Variants in UNC5A observed in about 807,000 individuals in gnomAD.
UNC5A encodes the protein netrin receptor UNC5A.
UNC5A carries 20 observed loss-of-function variants against 87.4 expected under a neutral mutation model. The ratio of observed to expected loss-of-function variants is 0.23; its 90% CI spans 0.16 to 0.33. UNC5A has a LOEUF of 0.33. Among genes scored for constraint, UNC5A ranks in the 10% least tolerant of loss-of-function variants. UNC5A has a pLI of 1.00. For missense variants in UNC5A, 844 were observed against 1,133.4 expected (o/e 0.74, Z 3.67); for synonymous variants, 438 against 482.3 (o/e 0.91, Z 1.20).
rs1561669152 is a variant in UNC5A at position 176,874,606 on chromosome 5, C to T, written c.1378+40C>T. 1 of 1,494,240 alleles carries T rather than the reference C, an allele frequency of 6.7e-7. No homozygotes were observed. Among genetic ancestry groups the T allele is most frequent in the African/African-American group, 1.4e-5 (1 of 71,188 alleles). 92.6% of individuals were successfully genotyped at this position (1,494,240 alleles called of 1,614,324 possible). Reference sequence around the variant, plus strand: ...AGGGGGCTCTGAGAGCTCCACTTCCCTCCTGGAGGAGGACGGGACAGCCGG... The same window carrying T: ...AGGGGGCTCTGAGAGCTCCACTTCCTTCCTGGAGGAGGACGGGACAGCCGG... On this transcript the variant is annotated intron_variant, in intron 8 of 14. Transcript: ENST00000329542. This position sits in a 1 kb window ranked among gnomAD's most constrained non-coding sequence, Gnocchi z 7.6.
rs181749939 is a variant in UNC5A, at chr5:176,865,435, C to A, written c.292+2590C>A. Reference sequence around the variant, plus strand: ...GGAGCCCCTGGCCCACACTCCCCAGCCGGCTCCTGTGGCCCTGTTCTCTTC... The same window carrying A: ...GGAGCCCCTGGCCCACACTCCCCAGACGGCTCCTGTGGCCCTGTTCTCTTC... On this transcript the variant is annotated intron_variant, in intron 2 of 14. Coordinates refer to ENST00000329542, the MANE Select transcript of UNC5A (RefSeq NM_133369.3). The surrounding 1 kb of genome is among the most constrained non-coding windows in gnomAD (Gnocchi z 5.3). The A allele has an allele frequency of 1.4e-5, 5 of 363,486 alleles. No homozygotes were observed. The Admixed American group carries it at 1.4e-4, about 10-fold the overall frequency. The allele number at this position is 363,486 out of a possible 1,614,324, so 22.5% of individuals were successfully genotyped here. A position where few individuals can be genotyped will look rare whatever the true frequency, so the allele number is the denominator to read the frequency against.
chr5:176,866,824 G>A lies in UNC5A; in HGVS notation c.293-1306G>A, dbSNP rs967802323. On this transcript the variant is annotated intron_variant, in intron 2 of 14. Coordinates refer to ENST00000329542, the MANE Select transcript of UNC5A (RefSeq NM_133369.3). The surrounding 1 kb of genome is among the most constrained non-coding windows in gnomAD (Gnocchi z 5.0). ...GTCCACACTGGGTGTCTTAGAGAAC[G>A]GGGCAGGTGGTGCCCAGAACGGAGG... Among the ~76,000 whole-genome samples, 1 of 152,142 alleles carries A rather than the reference G, an allele frequency of 6.6e-6. No homozygotes were observed. The highest frequency in any genetic ancestry group is 1.5e-5 in the Non-Finnish European group (1 of 68,030).
chr5:176,830,605 T>G (rs1363575946), intron 1 of UNC5A, among the ~76,000 whole-genome samples: 1 of 142,234 alleles, frequency 7.0e-6, no homozygotes, highest in Non-Finnish European at 1.5e-5. Flanking sequence ...TGCATGCTGG[T>G]GTGTGTGTGC....
chr5:176,874,595 G>T lies in UNC5A; in HGVS notation c.1378+29G>T. 6.7e-7 allele frequency: 1 copy of T among 1,498,726 alleles called. No individual in the cohort carries two copies. The highest frequency in any genetic ancestry group is 1.4e-5 in the South Asian group (1 of 73,064). 92.8% of individuals were successfully genotyped at this position (1,498,726 alleles called of 1,614,324 possible). The stretch of plus-strand genomic sequence containing the variant: ...GGAAGGACCCCAGGGGGCTCTGAGA[G>T]CTCCACTTCCCTCCTGGAGGAGGAC... On this transcript the variant is annotated intron_variant, in intron 8 of 14. Coordinates refer to ENST00000329542, the MANE Select transcript of UNC5A (RefSeq NM_133369.3). The surrounding 1 kb of genome is among the most constrained non-coding windows in gnomAD (Gnocchi z 7.6).
At chr5:176,847,180 G>A (rs1561653047) in intron 1 of UNC5A, among the ~76,000 whole-genome samples, 4 of 152,212 alleles carry the variant, frequency 2.6e-5, no homozygotes, top group Non-Finnish European at 5.9e-5. Context: ...CCGACGGCTG[G>A]AGCCAGGCCC....
At position 176,862,619 on chromosome 5, in the gene UNC5A, C is replaced by A. The variant is rs375099724; in HGVS notation, c.71-5C>A. 2.5e-6 allele frequency: 4 copies of A among 1,612,788 alleles called. No homozygotes were observed. The highest frequency in any genetic ancestry group is 4.5e-5 in the East Asian group (2 of 44,878). On this transcript the variant is annotated splice_region_variant and splice_polypyrimidine_tract_variant and intron_variant, in intron 1 of 14. Coordinates refer to ENST00000329542, the MANE Select transcript of UNC5A (RefSeq NM_133369.3). ...GGCTCACCTTCCCCCTCTGCCCTGC[C>A]GCAGGTGCCCAGCAGAGTGCCACCG...
chr5:176,822,693 T>G (rs1044389425), intron 1 of UNC5A, among the ~76,000 whole-genome samples: 1 of 152,214 alleles, frequency 6.6e-6, no homozygotes, highest in Non-Finnish European at 1.5e-5. Flanking sequence ...AGCTGGTCCC[T>G]GGGCACCCCC....
At chr5:176,858,722 A>AAGGGAG (rs1554098961) in intron 1 of UNC5A, among the ~76,000 whole-genome samples, 1 of 49,812 alleles carries the variant, frequency 2.0e-5, no homozygotes, top group Non-Finnish European at 4.0e-5. Context: ...AGAGAGAGAG[A>AAGGGAG]GAAGGAAGGA....
At position 176,868,807 on chromosome 5, in the gene UNC5A, C is replaced by G; in HGVS notation, c.564C>G (p.Asp188Glu). ...PAEVEWLRNE[D>E]LVDPSLDPNV... Reference sequence around the variant, plus strand: ...AGGTGGAGTGGCTCCGGAACGAGGACCTGGTGGACCCGTCCCTGGACCCCA... The same window carrying G: ...AGGTGGAGTGGCTCCGGAACGAGGAGCTGGTGGACCCGTCCCTGGACCCCA... The change falls in exon 5 of 15, where the codon GAC (aspartate) becomes GAG (glutamate). Residue 188 changes from aspartate (D) to glutamate (E), a missense_variant. Asp to Glu is a conservative substitution (Grantham distance 45). Coordinates refer to ENST00000329542, the MANE Select transcript of UNC5A (RefSeq NM_133369.3). 6.2e-7 allele frequency: 1 copy of G among 1,604,128 alleles called. No individual in the cohort carries two copies. The highest frequency in any genetic ancestry group is 1.7e-5 in the Admixed American group (1 of 59,688).
chr5:176,858,312 G>T (rs1452318231), intron 1 of UNC5A, among the ~76,000 whole-genome samples: 1 of 152,186 alleles, frequency 6.6e-6, no homozygotes, highest in Non-Finnish European at 1.5e-5. Flanking sequence ...TCCAGAGGAG[G>T]TGACATTGGA....
At chr5:176,815,117 C>T (rs1233198635) in intron 1 of UNC5A, among the ~76,000 whole-genome samples, 2 of 152,168 alleles carry the variant, frequency 1.3e-5, no homozygotes, top group East Asian at 3.9e-4. Context: ...AGTAGGAACC[C>T]CCATCCCCAC....
chr5:176,840,926 G>C (rs938416882), intron 1 of UNC5A, among the ~76,000 whole-genome samples: 1 of 152,198 alleles, frequency 6.6e-6, no homozygotes, highest in Non-Finnish European at 1.5e-5. Flanking sequence ...CTGGCAGTGG[G>C]GTGGCCTGGA....
Position 176,869,527 on chromosome 5 carries a change from C to A in UNC5A, c.721+563C>A, listed in dbSNP as rs1002780626. ...CAGCCCACCCGTGTCCAGCTCACAG[C>A]CCCTCTGCCCTCACGCCCCGTCCCC... On this transcript the variant is annotated intron_variant, in intron 5 of 14. Coordinates refer to ENST00000329542, the MANE Select transcript of UNC5A (RefSeq NM_133369.3). This position sits in a 1 kb window ranked among gnomAD's most constrained non-coding sequence, Gnocchi z 9.1. The A allele has an allele frequency of 8.0e-6, 5 of 625,312 alleles. No individual in the cohort carries two copies. The highest frequency in any genetic ancestry group is 3.7e-5 in the African/African-American group (2 of 54,750). The allele number at this position is 625,312 out of a possible 1,614,324, so 38.7% of individuals were successfully genotyped here.
At chr5:176,847,652 T>A (rs1757444265) in intron 1 of UNC5A, among the ~76,000 whole-genome samples, 1 of 151,784 alleles carries the variant, frequency 6.6e-6, no homozygotes, top group Admixed American at 6.6e-5. Context: ...CGATCCCAAC[T>A]TTTACATATT....
chr5:176,818,242 G>A (rs1286894489), intron 1 of UNC5A, among the ~76,000 whole-genome samples: 1 of 152,146 alleles, frequency 6.6e-6, no homozygotes, highest in Non-Finnish European at 1.5e-5. Context: ...CCCATAACCC[G>A]AGCACCTCCT....
At chr5:176,855,268 C>T (rs1036605306) in intron 1 of UNC5A, among the ~76,000 whole-genome samples, 3 of 152,236 alleles carry the variant, frequency 2.0e-5, no homozygotes, top group South Asian at 2.1e-4. Flanking sequence ...CTGTGAGGGC[C>T]CCCGGCAACT....
At chr5:176,864,880 G>C (rs1212898377) in intron 2 of UNC5A, 4 of 455,294 alleles carry the variant, frequency 8.8e-6, no homozygotes, top group Non-Finnish European at 1.8e-5. Flanking sequence ...ACACCTCCCA[G>C]GACCAGAGCC....
chr5:176,812,974 G>A (rs947746272), intron 1 of UNC5A, among the ~76,000 whole-genome samples: 2 of 152,224 alleles, frequency 1.3e-5, no homozygotes, highest in African/African-American at 4.8e-5. Flanking sequence ...TCTGTGAGCC[G>A]CTGAGGGAGG....
rs146922041 is a variant in UNC5A at position 176,855,211 on chromosome 5, C to A, written c.71-7413C>A. ...CAGACCTGTGAATAGCCTGCCTTTACCCTCAGCCTTACGAAGGCCTACAAT... is the reference window on the plus strand; with the variant it reads ...CAGACCTGTGAATAGCCTGCCTTTAACCTCAGCCTTACGAAGGCCTACAAT... On this transcript the variant is annotated intron_variant, in intron 1 of 14. Transcript: ENST00000329542. Among the ~76,000 whole-genome samples, 295 of 152,378 alleles carry A rather than the reference C, an allele frequency of 1.9e-3. 1 individual carries two copies. Among genetic ancestry groups the A allele is most frequent in the African/African-American group, 6.8e-3 (284 of 41,588 alleles).
Sources: gnomAD v4.1 joint callset for allele counts (sites outside exome capture counted in the v4.1 genomes callset) on GRCh38, gnomAD v4.1.1 for gene constraint, Gnocchi (gnomAD v3.1) non-coding constraint, MANE v1.5 for transcripts, NCBI Gene and HGNC (gene_info 2026-07-23, HGNC 2026-07-21) for gene names.